GARRE1: variants seen among roughly 807,000 people sequenced by gnomAD.
GARRE1 encodes granule associated Rac and RHOG effector protein 1.
In GARRE1, 49 loss-of-function variants were observed where a neutral mutation model predicts 103.2. The observed-to-expected ratio is 0.47, with a 90% CI of 0.38 to 0.60. The LOEUF is 0.60. GARRE1 is among the 20% of genes least tolerant of loss of function. The pLI, the probability that GARRE1 is intolerant of heterozygous loss-of-function variation, is 0.00. For synonymous variants in GARRE1, 505 were observed against 532.8 expected, an observed-to-expected ratio of 0.95 and a Z score of 0.72; for missense variants, 1,199 against 1,370.5, an observed-to-expected ratio of 0.87 and a Z score of 1.98.
chr19:34,322,878 C>T (rs1034431944), intron 3 of GARRE1, among the ~76,000 whole-genome samples: 2 of 151,730 alleles, frequency 1.3e-5, no homozygotes, highest in African/African-American at 4.8e-5. Flanking sequence ...GTGAGTCACC[C>T]ACCTGGGCCA....
At chr19:34,292,374 A>G (rs1158291337) in intron 1 of GARRE1, among the ~76,000 whole-genome samples, 1 of 152,176 alleles carries the variant, frequency 6.6e-6, no homozygotes, top group East Asian at 1.9e-4. Context: ...TTCATTTGTC[A>G]GTTGATAAGC....
chr19:34,289,892 C>G (rs2073908025), intron 1 of GARRE1, among the ~76,000 whole-genome samples: 1 of 152,060 alleles, frequency 6.6e-6, no homozygotes, highest in South Asian at 2.1e-4. Context: ...TGTCCTGAAT[C>G]CCCTTTTTAA....
At chr19:34,266,528 A>G (rs1297345374) in intron 1 of GARRE1, among the ~76,000 whole-genome samples, 1 of 152,068 alleles carries the variant, frequency 6.6e-6, no homozygotes, top group African/African-American at 2.4e-5. Flanking sequence ...TGCCCAGCTA[A>G]TGTTTGTATT....
intron 6 of GARRE1, among the ~76,000 whole-genome samples, chr19:34,329,943 T>C (rs1431046392): frequency 6.6e-6 from 1 of 152,126 alleles, no homozygotes; most frequent in Non-Finnish European, 1.5e-5. Flanking sequence ...CTGAGTGTGG[T>C]GGTGTGCACC....
At chr19:34,303,855 A>C (rs532651147) in intron 2 of GARRE1, among the ~76,000 whole-genome samples, 2 of 152,094 alleles carry the variant, frequency 1.3e-5, no homozygotes, top group South Asian at 4.1e-4. Flanking sequence ...ACCTCAAGTG[A>C]GCCACCCACC....
chr19:34,322,089 A>G (rs1174425930), intron 3 of GARRE1, among the ~76,000 whole-genome samples: 1 of 152,222 alleles, frequency 6.6e-6, no homozygotes, highest in Non-Finnish European at 1.5e-5. Flanking sequence ...CCTTTTCCAC[A>G]GCCAGAAGAA....
intron 12 of GARRE1, among the ~76,000 whole-genome samples, chr19:34,351,012 A>G (rs2074233659): frequency 6.6e-6 from 1 of 151,746 alleles, no homozygotes; most frequent in African/African-American, 2.4e-5. Flanking sequence ...CAGCCTGGCC[A>G]ACATGGTGAA....
intron 7 of GARRE1, among the ~76,000 whole-genome samples, chr19:34,333,172 G>T (rs2074145228): frequency 6.6e-6 from 1 of 152,136 alleles, no homozygotes; most frequent in Non-Finnish European, 1.5e-5. Context: ...TCAGCCTCCT[G>T]AGTAGCTTGG....
rs1227581849 is a variant in GARRE1, at chr19:34,352,658, C to G, written c.2916C>G (p.Thr972=). 1 of 1,608,552 alleles carries G rather than the reference C, an allele frequency of 6.2e-7. No homozygotes were observed. The highest frequency in any genetic ancestry group is 1.7e-5 in the Admixed American group (1 of 59,856). The change falls in exon 14 of 14, where the codon ACC becomes ACG. Residue 972 remains threonine, a synonymous_variant. Coordinates refer to ENST00000299505, the MANE Select transcript of GARRE1 (RefSeq NM_014686.5). ...CTTTTGTTTCTCAGGATAACAAAAC[C>G]AAAACGTGGCCACCCAAAGCACCCT... ...TVEDVNQDNK[T]KTWPPKAPWQ... is the part of the protein sequence containing the mutation.
At chr19:34,328,271 C>CAG in intron 6 of GARRE1, 120 bp downstream of exon 6, 1 of 1,134,466 alleles carries the variant, frequency 8.8e-7, no homozygotes, top group Non-Finnish European at 1.2e-6. Context: ...CGTGGTGGCT[C>CAG]ACGCCTGTAA....
At chr19:34,292,602 G>A (rs1434371088) in intron 1 of GARRE1, among the ~76,000 whole-genome samples, 2 of 151,858 alleles carry the variant, frequency 1.3e-5, no homozygotes, top group African/African-American at 2.4e-5. Flanking sequence ...TTGAGACAGC[G>A]TCTCACTCTG....
intron 8 of GARRE1, among the ~76,000 whole-genome samples, 160 bp from the exon 9 acceptor site, chr19:34,339,707 T>A (rs1298737964): frequency 1.3e-5 from 2 of 152,210 alleles, no homozygotes; most frequent in Non-Finnish European, 2.9e-5. Context: ...GGCAGTGAGT[T>A]CCAGGATCAG....
In GARRE1 at chr19:34,338,141, T is replaced by A. The variant is rs1173199829; in HGVS notation, c.1362-1726T>A. 2.0e-5 allele frequency among the ~76,000 whole-genome samples: 3 copies of A among 152,200 alleles called. No homozygotes were observed. The East Asian group carries it at 5.8e-4, about 29-fold the overall frequency. On this transcript the variant is annotated intron_variant, in intron 8 of 13. Transcript: ENST00000299505. ...GTACTGCTACCTCCTTGAGTGACTTTGTAAGTGTTGAGTTCACCATTTAGC... is the reference window on the plus strand; with the variant it reads ...GTACTGCTACCTCCTTGAGTGACTTAGTAAGTGTTGAGTTCACCATTTAGC...
chr19:34,346,781 T>G (rs932085029), intron 10 of GARRE1, among the ~76,000 whole-genome samples: 1 of 152,114 alleles, frequency 6.6e-6, no homozygotes, highest in Non-Finnish European at 1.5e-5. Flanking sequence ...TACGTCCAGC[T>G]AATTTTTGGT....
chr19:34,326,210 A>G (rs2074111124), intron 3 of GARRE1, among the ~76,000 whole-genome samples: 1 of 152,234 alleles, frequency 6.6e-6, no homozygotes, highest in Non-Finnish European at 1.5e-5. Flanking sequence ...GTTTACATAC[A>G]GTTTGTGAAA....
At chr19:34,286,661 C>T (rs528346763) in intron 1 of GARRE1, among the ~76,000 whole-genome samples, 19 of 151,614 alleles carry the variant, frequency 1.3e-4, no homozygotes, top group East Asian at 5.9e-4. Flanking sequence ...GCTACCACGC[C>T]GGGCTAATGT....
chr19:34,322,947 G>A (rs2074095975), intron 3 of GARRE1, among the ~76,000 whole-genome samples: 2 of 150,876 alleles, frequency 1.3e-5, no homozygotes, highest in African/African-American at 4.9e-5. Flanking sequence ...ATAATTTATG[G>A]TTAGCAATAT....
intron 11 of GARRE1, chr19:34,348,672 T>C (rs774116304): frequency 1.1e-5 from 2 of 181,216 alleles, no homozygotes; most frequent in African/African-American, 4.7e-5. Flanking sequence ...GTTGCAAAGG[T>C]TAATGTGTGC....
chr19:34,310,511 C>T (rs1316599589), intron 2 of GARRE1, among the ~76,000 whole-genome samples: 4 of 152,188 alleles, frequency 2.6e-5, no homozygotes, highest in African/African-American at 7.2e-5. Flanking sequence ...TCAGAAATAG[C>T]GTGATGTAGA....
Sources: allele counts gnomAD v4.1 joint callset (sites outside exome capture counted in the v4.1 genomes callset), GRCh38; gene constraint gnomAD v4.1.1; transcripts MANE v1.5; gene names NCBI Gene and HGNC (gene_info 2026-07-23, HGNC 2026-07-21).